The following WDR27 variants were observed in gnomAD, a reference collection of about 807,000 sequenced individuals.
WDR27 encodes the protein WD repeat-containing protein 27.
WDR27 carries 100 observed loss-of-function variants against 114.4 expected under a neutral mutation model. The observed-to-expected ratio is 0.87, with a 90% confidence interval of 0.74 to 1.03. The LOEUF (loss-of-function observed/expected upper bound fraction) is 1.03, where lower values mean the gene tolerates loss of function less well. WDR27 is among the 50% of genes least tolerant of loss of function. The pLI is 0.00. For synonymous variants in WDR27, 449 were observed against 423.1 expected, an observed-to-expected ratio of 1.06 and a Z score of -0.75; for missense variants, 1,129 against 1,092.9, an observed-to-expected ratio of 1.03 and a Z score of -0.47.
At chr6:169,530,550 C>A (rs1295138118) in intron 25 of WDR27, among the ~76,000 whole-genome samples, 1 of 152,176 alleles carries the variant, frequency 6.6e-6, no homozygotes, top group Non-Finnish European at 1.5e-5. Flanking sequence ...TGTAAATGGC[C>A]TCAACTGTAT....
At chr6:169,443,907 C>T in the WDR27 span, among the ~76,000 whole-genome samples, 1 of 152,196 alleles carries the variant, frequency 6.6e-6, no homozygotes, top group African/African-American at 2.4e-5. Context: ...GGCATTGCCA[C>T]CTCCAGCAAG....
intron 21 of WDR27, among the ~76,000 whole-genome samples, chr6:169,616,437 A>G (rs1811843593): frequency 6.6e-6 from 1 of 152,138 alleles, no homozygotes; most frequent in African/African-American, 2.4e-5. Flanking sequence ...GCAGTGAGCC[A>G]AGACTGCGCC....
chr6:169,630,257 G>A (rs1562748693), intron 21 of WDR27, among the ~76,000 whole-genome samples: 1 of 152,198 alleles, frequency 6.6e-6, no homozygotes, highest in African/African-American at 2.4e-5. Context: ...TCTACATGCT[G>A]ACGAGTCTTT....
At chr6:169,598,286 C>T (rs897093531) in intron 23 of WDR27, among the ~76,000 whole-genome samples, 3 of 152,154 alleles carry the variant, frequency 2.0e-5, no homozygotes, top group Admixed American at 6.5e-5. Flanking sequence ...CCTGAAACTG[C>T]GTAATATACA....
At chr6:169,590,456 G>T (rs1236070373) in intron 23 of WDR27, among the ~76,000 whole-genome samples, 1 of 152,212 alleles carries the variant, frequency 6.6e-6, no homozygotes. Flanking sequence ...ATTCTCAGAA[G>T]ACCAAAACGT....
chr6:169,572,749 T>C (rs1801662019), intron 24 of WDR27, among the ~76,000 whole-genome samples: 1 of 152,140 alleles, frequency 6.6e-6, no homozygotes, highest in Non-Finnish European at 1.5e-5. Context: ...GAAGCATTTG[T>C]CTATAGCAGA....
At chr6:169,639,013 A>ATACTGCGTGGTGCTGGG (rs200647509) in intron 17 of WDR27, among the ~76,000 whole-genome samples, 1 of 141,148 alleles carries the variant, frequency 7.1e-6, no homozygotes, top group Non-Finnish European at 1.5e-5. Context: ...GTGGTGCTGG[A>ATACTGCGTGGTGCTGGG]TACTGCGTGG....
At chr6:169,643,166 G>A (rs910308743) in intron 17 of WDR27, among the ~76,000 whole-genome samples, 26 of 152,252 alleles carry the variant, frequency 1.7e-4, no homozygotes, top group African/African-American at 5.8e-4. Flanking sequence ...TCTAAAGCAA[G>A]CCATATCAGG....
intron 22 of WDR27, among the ~76,000 whole-genome samples, chr6:169,609,092 T>A (rs1809925676): frequency 6.6e-6 from 1 of 151,800 alleles, no homozygotes; most frequent in South Asian, 2.1e-4. Flanking sequence ...GTTCCCATGG[T>A]CGTGGGCAGC....
intron 25 of WDR27, among the ~76,000 whole-genome samples, chr6:169,563,176 G>A (rs1288897313): frequency 6.6e-6 from 1 of 152,058 alleles, no homozygotes; most frequent in East Asian, 1.9e-4. Flanking sequence ...CGCCCTGGAC[G>A]CCTCCCTGCA....
At chr6:169,529,900 T>C (rs1480234308) in intron 25 of WDR27, among the ~76,000 whole-genome samples, 3 of 152,222 alleles carry the variant, frequency 2.0e-5, no homozygotes, top group Non-Finnish European at 4.4e-5. Flanking sequence ...CACTGTGCCA[T>C]AACTAGAAAT....
chr6:169,450,199 G>GA, the WDR27 span, among the ~76,000 whole-genome samples: 1 of 152,218 alleles, frequency 6.6e-6, no homozygotes, highest in Non-Finnish European at 1.5e-5. Context: ...CTGCATGAAG[G>GA]AGTCCGACAG....
intron 25 of WDR27, among the ~76,000 whole-genome samples, chr6:169,538,703 TACAC>T (rs10644528): frequency 0.029 from 4,204 of 143,890 alleles, 94 homozygotes; most frequent in East Asian, 0.1. Context: ...CATACTGGAA[TACAC>T]ACACACACAC....
At chr6:169,517,314 C>A (rs533877952) in intron 25 of WDR27, among the ~76,000 whole-genome samples, 14 of 152,272 alleles carry the variant, frequency 9.2e-5, no homozygotes, top group Non-Finnish European at 1.9e-4. Context: ...GTAAAGCCTG[C>A]GGAACCATGA....
intron 25 of WDR27, among the ~76,000 whole-genome samples, chr6:169,518,717 T>C (rs1562524325): frequency 6.6e-6 from 1 of 152,246 alleles, no homozygotes; most frequent in Non-Finnish European, 1.5e-5. Flanking sequence ...TATGCAAGTT[T>C]CTCTAGGAAG....
intron 23 of WDR27, among the ~76,000 whole-genome samples, chr6:169,590,122 A>G (rs1238611062): frequency 2.0e-5 from 3 of 152,242 alleles, no homozygotes; most frequent in Admixed American, 2.0e-4. Flanking sequence ...ACACCGATTC[A>G]TTACAACTAT....
chr6:169,494,737 C>T (rs1404518562), intron 25 of WDR27, among the ~76,000 whole-genome samples: 1 of 152,168 alleles, frequency 6.6e-6, no homozygotes, highest in African/African-American at 2.4e-5. Flanking sequence ...CCAAAGTAAG[C>T]TCAGCATCAG....
Position 169,564,456 on chromosome 6 carries a change from C to G in WDR27, c.2645+7963G>C, listed in dbSNP as rs562185371. 2.6e-5 allele frequency among the ~76,000 whole-genome samples: 4 copies of G among 152,344 alleles called. No individual in the cohort carries two copies. The East Asian group carries it at 7.7e-4, about 29-fold the overall frequency. ...TCCAGTCAAGTTGGCACGTGGTATT[C>G]ACCATCACGGTGGCACAGGGCAGCG... On this transcript the variant is annotated intron_variant, in intron 25 of 25. Transcript: ENST00000448612.
At chr6:169,692,037 G>C (rs1028407063) in intron 1 of WDR27, among the ~76,000 whole-genome samples, 12 of 151,606 alleles carry the variant, frequency 7.9e-5, no homozygotes, top group African/African-American at 2.9e-4. Flanking sequence ...AAAAAACTGT[G>C]AGTTCCCAAA....
Sources: allele counts gnomAD v4.1 joint callset (sites outside exome capture counted in the v4.1 genomes callset), GRCh38; gene constraint gnomAD v4.1.1; transcripts MANE v1.5; gene names NCBI Gene and HGNC (gene_info 2026-07-23, HGNC 2026-07-21).